The following NDUFB6 variants were observed in gnomAD, a reference collection of about 807,000 sequenced individuals.
NDUFB6 encodes NADH dehydrogenase [ubiquinone] 1 beta subcomplex subunit 6.
In NDUFB6, 23 loss-of-function variants were observed where a neutral mutation model predicts 17.5. The ratio of observed to expected loss-of-function variants is 1.31; its 90% CI spans 0.94 to 1.86. The LOEUF (loss-of-function observed/expected upper bound fraction) is 1.86, where lower values mean the gene tolerates loss of function less well. NDUFB6 is among the 40% of genes most tolerant of loss of function. The pLI, the probability that NDUFB6 is intolerant of heterozygous loss-of-function variation, is 0.00. For synonymous variants in NDUFB6, 60 were observed against 53.5 expected (o/e 1.12, Z -0.53); for missense variants, 167 against 153.8 (o/e 1.09, Z -0.46).
rs759406133 is a variant in NDUFB6 at position 32,554,347 on chromosome 9, G to C, written c.319-403C>G. On this transcript the variant is annotated intron_variant, in intron 3 of 3. Transcript: ENST00000379847. ...TGTGTTACGCAATCACCAGTTTTCT[G>C]ATTGGCTTACATACTGAATACAGAA... Among the ~76,000 whole-genome samples, 104 of 152,216 alleles carry C rather than the reference G, an allele frequency of 6.8e-4. 1 individual carries two copies. Among genetic ancestry groups the C allele is most frequent in the Non-Finnish European group, 2.6e-4 (18 of 68,036 alleles).
intron 2 of NDUFB6, among the ~76,000 whole-genome samples, chr9:32,564,685 C>T (rs981647951): frequency 6.6e-5 from 10 of 152,138 alleles, no homozygotes; most frequent in African/African-American, 2.2e-4. Context: ...ATTGTCTCTG[C>T]GCACTCACCA....
chr9:32,567,674 CTCAG>C, intron 2 of NDUFB6: 1 of 346,604 alleles, frequency 2.9e-6, no homozygotes, highest in South Asian at 2.4e-5. Context: ...GTAATCTGCA[CTCAG>C]TGATTTTTGA....
At chr9:32,565,282 A>T (rs887645496) in intron 2 of NDUFB6, 1 of 149,092 alleles carries the variant, frequency 6.7e-6, no homozygotes, top group African/African-American at 2.5e-5. Flanking sequence ...ACACAGTGAG[A>T]CCCTGTCTCA....
rs1821974278 is a variant in NDUFB6 at position 32,572,887 on chromosome 9, C to T, written c.174G>A (p.Arg58=). Residue 58 remains arginine (R), a synonymous_variant, in exon 1 of 4, where the codon AGG becomes AGA. Coordinates refer to ENST00000379847, the MANE Select transcript of NDUFB6 (RefSeq NM_002493.5). The part of the protein sequence containing the change: ...NKFLENKSPW[R]KMVHGVYKKS... ...GGAGAGGTCTGTCACTCACCATTTTCCTCCAAGGGGATTTATTCTCCAAAA... is the reference window on the plus strand; with the variant it reads ...GGAGAGGTCTGTCACTCACCATTTTTCTCCAAGGGGATTTATTCTCCAAAA... 8 of 1,583,916 alleles carry T rather than the reference C, an allele frequency of 5.1e-6. No individual in the cohort carries two copies. The South Asian group carries it at 8.0e-5, about 16-fold the overall frequency.
At chr9:32,568,716 A>ATG (rs1281629911) in intron 2 of NDUFB6, 70 of 140,674 alleles carry the variant, frequency 5.0e-4, no homozygotes, top group East Asian at 4.6e-3. Context: ...GTGTATGTAT[A>ATG]TGTGTGTGTG....
rs562706306 is a variant in NDUFB6, at chr9:32,566,686, T to G, written c.273+4274A>C. 12 of 822,276 alleles carry G rather than the reference T, an allele frequency of 1.5e-5. No homozygotes were observed. In the African/African-American group the frequency reaches 2.0e-4, roughly 14 times the overall value. The allele number at this position is 822,276 out of a possible 1,614,324, so 50.9% of individuals were successfully genotyped here. ...TAACTCCGGATCCGGCTTTCACAGC[T>G]GTATCTCAGATAGCCAGACTTATTC... On this transcript the variant is annotated intron_variant, in intron 2 of 3. Coordinates refer to ENST00000379847, the MANE Select transcript of NDUFB6 (RefSeq NM_002493.5).
Position 32,553,715 on chromosome 9 carries a change from A to C in NDUFB6, c.*161T>G. On this transcript the variant is annotated 3_prime_UTR_variant, in exon 4 of 4. Coordinates refer to ENST00000379847, the MANE Select transcript of NDUFB6 (RefSeq NM_002493.5). ...TGTTTAGCATGTCCACTTTTTACTT[A>C]TTGTTAAATTACTCAGTCTCAAATT... 3.5e-6 allele frequency: 2 copies of C among 578,350 alleles called. No individual in the cohort carries two copies. The highest frequency in any genetic ancestry group is 3.0e-5 in the East Asian group (1 of 33,136). The allele number at this position is 578,350 out of a possible 1,614,324, so 35.8% of individuals were successfully genotyped here.
intron 3 of NDUFB6, among the ~76,000 whole-genome samples, chr9:32,556,090 CG>C (rs11340718): frequency 0.58 from 88,258 of 151,944 alleles, 26,039 homozygotes; most frequent in Middle Eastern, 0.69. Flanking sequence ...GATTTGGGGC[CG>C]GGGTGCAATG....
At chr9:32,567,330 A>G (rs927581833) in intron 2 of NDUFB6, 1 of 469,392 alleles carries the variant, frequency 2.1e-6, no homozygotes, top group African/African-American at 2.0e-5. Flanking sequence ...TATTTTGGTA[A>G]TTCTCCCAAT....
chr9:32,563,888 T>C (rs1188869249), intron 2 of NDUFB6, among the ~76,000 whole-genome samples: 1 of 152,228 alleles, frequency 6.6e-6, no homozygotes, highest in Non-Finnish European at 1.5e-5. Context: ...CTCTGTGTCC[T>C]TTGAAATATG....
At chr9:32,561,187 G>A (rs539519031) in intron 2 of NDUFB6, among the ~76,000 whole-genome samples, 23 of 152,246 alleles carry the variant, frequency 1.5e-4, no homozygotes, top group Admixed American at 1.2e-3. Flanking sequence ...GTGTTGGTTT[G>A]TAATGTGAAA....
At chr9:32,567,473 C>T (rs1227731821) in intron 2 of NDUFB6, 5 of 436,878 alleles carry the variant, frequency 1.1e-5, no homozygotes, top group East Asian at 7.0e-5. Context: ...GGACTACAGA[C>T]GTGCACCAAG....
intron 2 of NDUFB6, chr9:32,568,730 G>GTATATATA (rs1587651179): frequency 2.5e-5 from 2 of 80,648 alleles, no homozygotes. Flanking sequence ...GTGTGTGTGT[G>GTATATATA]CATATATATA....
intron 2 of NDUFB6, among the ~76,000 whole-genome samples, chr9:32,563,491 C>CTTTTTTTTTTTTTTTTTTTTTTTTTT (rs111646430): frequency 7.6e-5 from 7 of 91,992 alleles, no homozygotes; most frequent in African/African-American, 2.7e-4. Flanking sequence ...GACTATTGGG[C>CTTTTTTTTTTTTTTTTTTTTTTTTTT]TTTTTTTTTT....
chr9:32,563,491 C>CTTTTTTTTTTTTTTTTTTTTTTTTTTT (rs111646430), intron 2 of NDUFB6, among the ~76,000 whole-genome samples: 2 of 92,002 alleles, frequency 2.2e-5, no homozygotes, highest in African/African-American at 8.9e-5. Flanking sequence ...GACTATTGGG[C>CTTTTTTTTTTTTTTTTTTTTTTTTTTT]TTTTTTTTTT....
intron 2 of NDUFB6, among the ~76,000 whole-genome samples, chr9:32,561,575 C>T (rs1446381206): frequency 1.3e-5 from 2 of 152,106 alleles, no homozygotes; most frequent in African/African-American, 4.8e-5. Flanking sequence ...GCAATCCACC[C>T]GCCTCAGCCT....
intron 1 of NDUFB6, among the ~76,000 whole-genome samples, chr9:32,571,523 G>T (rs528636052): frequency 2.6e-5 from 4 of 152,096 alleles, no homozygotes; most frequent in Non-Finnish European, 4.4e-5. Context: ...GCTGGAAAAA[G>T]GACGTTTTAC....
At chr9:32,557,513 C>T (rs553189937) in intron 3 of NDUFB6, among the ~76,000 whole-genome samples, 1 of 150,008 alleles carries the variant, frequency 6.7e-6, no homozygotes, top group African/African-American at 2.5e-5. Flanking sequence ...TGGAGTTTCA[C>T]TCATTTCTGA....
chr9:32,570,872 G>C lies in NDUFB6; in HGVS notation c.273+88C>G, dbSNP rs1312595124. 14 of 797,834 alleles carry C rather than the reference G, an allele frequency of 1.8e-5. 1 individual carries two copies. The highest frequency in any genetic ancestry group is 3.7e-4 in the Middle Eastern group (1 of 2,736). The allele number at this position is 797,834 out of a possible 1,614,324, so 49.4% of individuals were successfully genotyped here. ...CTTCAAAATCTGTTTATAAGTGGCAGATTATTTCCACTAAGTAGGGTAAGA... is the reference window on the plus strand; with the variant it reads ...CTTCAAAATCTGTTTATAAGTGGCACATTATTTCCACTAAGTAGGGTAAGA... On this transcript the variant is annotated intron_variant, in intron 2 of 3. Transcript: ENST00000379847.
Sources: allele counts gnomAD v4.1 joint callset (sites outside exome capture counted in the v4.1 genomes callset), GRCh38; gene constraint gnomAD v4.1.1; transcripts MANE v1.5; gene names NCBI Gene and HGNC (gene_info 2026-07-23, HGNC 2026-07-21).